ADARB2: variants seen among roughly 807,000 people sequenced by gnomAD.
The protein encoded by ADARB2 is inactive double-stranded RNA-specific editase B2.
A neutral mutation model predicts 62.2 loss-of-function variants in ADARB2; 25 were observed. The ratio of observed to expected loss-of-function variants is 0.40; its 90% confidence interval spans 0.29 to 0.56. The LOEUF (loss-of-function observed/expected upper bound fraction) is 0.56. Among genes scored for constraint, ADARB2 ranks in the 20% least tolerant of loss-of-function variants. The pLI is 0.43. For synonymous variants in ADARB2, 572 were observed against 500.8 expected (o/e 1.14, Z -1.90); for missense variants, 1,071 against 1,077.4 (o/e 0.99, Z 0.08).
At chr10:1,495,154 G>A (rs1451161042) in intron 1 of ADARB2, among the ~76,000 whole-genome samples, 1 of 152,114 alleles carries the variant, frequency 6.6e-6, no homozygotes, top group Non-Finnish European at 1.5e-5. Context: ...ATAATTAGTA[G>A]AAATTGGTGA....
intron 1 of ADARB2, among the ~76,000 whole-genome samples, chr10:1,655,855 C>T (rs1181856361): frequency 6.6e-6 from 1 of 152,098 alleles, no homozygotes; most frequent in African/African-American, 2.4e-5. Context: ...CAAACCACCT[C>T]TTGGAAGGAG....
At chr10:1,210,321 A>T (rs1837132654) in intron 7 of ADARB2, among the ~76,000 whole-genome samples, 1 of 152,254 alleles carries the variant, frequency 6.6e-6, no homozygotes, top group African/African-American at 2.4e-5. Context: ...AGCCAGCCAG[A>T]CATTAATCTC....
At position 1,514,284 on chromosome 10, in the gene ADARB2, G is replaced by A. The variant is rs116433325; in HGVS notation, c.101-135124C>T. ...CAGAGGACTCCTGAATGTTCAGAAG[G>A]ACGGCTCTGACGCTTTGGGACAGTA... is the stretch of plus-strand genomic sequence containing the variant. On this transcript the variant is annotated intron_variant, in intron 1 of 9. Transcript: ENST00000381312. Among the ~76,000 whole-genome samples, 497 of 150,276 alleles carry A rather than the reference G, an allele frequency of 3.3e-3. 4 individuals are homozygous for A. Among genetic ancestry groups the A allele is most frequent in the African/African-American group, 0.012 (475 of 41,042 alleles).
At chr10:1,639,279 C>T (rs866279521) in intron 1 of ADARB2, among the ~76,000 whole-genome samples, 1 of 152,232 alleles carries the variant, frequency 6.6e-6, no homozygotes, top group African/African-American at 2.4e-5. Flanking sequence ...AGGCTGACTG[C>T]ATGGTTCTTC....
intron 1 of ADARB2, among the ~76,000 whole-genome samples, chr10:1,688,658 C>A (rs890365419): frequency 1.4e-4 from 22 of 152,132 alleles, no homozygotes; most frequent in Non-Finnish European, 2.6e-4. Context: ...CCAACCCCCT[C>A]CTGCAAAAAA....
chr10:1,299,243 C>T (rs2387646), intron 3 of ADARB2, among the ~76,000 whole-genome samples: 66,546 of 151,418 alleles, frequency 0.44, 16,224 homozygotes, highest in East Asian at 0.69. Flanking sequence ...AAGCAGAGCC[C>T]GGAAGGCATC....
chr10:1,681,681 G>C (rs1834538252), intron 1 of ADARB2, among the ~76,000 whole-genome samples: 1 of 152,170 alleles, frequency 6.6e-6, no homozygotes, highest in Non-Finnish European at 1.5e-5. Flanking sequence ...AGTGAGCAGA[G>C]CTCTCAGAGA....
At chr10:1,509,822 C>G (rs1181998281) in intron 1 of ADARB2, among the ~76,000 whole-genome samples, 1 of 152,154 alleles carries the variant, frequency 6.6e-6, no homozygotes, top group Non-Finnish European at 1.5e-5. Context: ...GGCTAGGGAT[C>G]TTATCTTAAA....
chr10:1,414,203 G>A (rs1017518303), intron 1 of ADARB2, among the ~76,000 whole-genome samples: 4 of 152,218 alleles, frequency 2.6e-5, no homozygotes, highest in Non-Finnish European at 5.9e-5. Context: ...AATACAGTAA[G>A]CACTTAGCTG....
chr10:1,382,074 A>G (rs998790259), intron 1 of ADARB2, among the ~76,000 whole-genome samples: 26 of 152,220 alleles, frequency 1.7e-4, no homozygotes, highest in African/African-American at 5.8e-4. Flanking sequence ...CCCAATGTAT[A>G]TATCAATTCA....
chr10:1,499,387 T>C (rs1831735045), intron 1 of ADARB2, among the ~76,000 whole-genome samples: 1 of 152,030 alleles, frequency 6.6e-6, no homozygotes, highest in African/African-American at 2.4e-5. Context: ...TACTTACCCA[T>C]GTATCAGTCA....
intron 1 of ADARB2, among the ~76,000 whole-genome samples, chr10:1,659,737 G>T (rs928061825): frequency 6.6e-5 from 10 of 152,216 alleles, no homozygotes; most frequent in Non-Finnish European, 1.2e-4. Context: ...TAGTTCCTCC[G>T]CCTGCCTTCC....
chr10:1,714,818 G>A (rs1283585707), intron 1 of ADARB2, among the ~76,000 whole-genome samples: 1 of 152,202 alleles, frequency 6.6e-6, no homozygotes, highest in Non-Finnish European at 1.5e-5. Flanking sequence ...CTACTCAAAA[G>A]CCAGATGCTT....
intron 4 of ADARB2, among the ~76,000 whole-genome samples, chr10:1,262,200 A>G (rs1183657464): frequency 6.8e-6 from 1 of 146,064 alleles, no homozygotes; most frequent in Admixed American, 6.8e-5. Flanking sequence ...CTAGATGACG[A>G]GTTAGTGGGT....
intron 2 of ADARB2, 152 bp downstream of exon 2, chr10:1,378,922 T>C: frequency 1.6e-6 from 1 of 642,770 alleles, no homozygotes; most frequent in South Asian, 1.9e-5. Context: ...GGGGATTCTG[T>C]GGAGGAATGA....
intron 2 of ADARB2, among the ~76,000 whole-genome samples, chr10:1,365,416 A>G (rs1351007308): frequency 6.6e-6 from 1 of 152,132 alleles, no homozygotes; most frequent in Non-Finnish European, 1.5e-5. Flanking sequence ...AAATTAGGCC[A>G]CTGAATAACC....
At chr10:1,707,060 T>G (rs1322679192) in intron 1 of ADARB2, among the ~76,000 whole-genome samples, 4 of 152,238 alleles carry the variant, frequency 2.6e-5, no homozygotes, top group African/African-American at 9.6e-5. Context: ...AGTTTAGGAT[T>G]TTTATTTCAT....
intron 1 of ADARB2, among the ~76,000 whole-genome samples, chr10:1,597,677 T>C (rs1833352743): frequency 6.6e-6 from 1 of 152,208 alleles, no homozygotes; most frequent in Non-Finnish European, 1.5e-5. Flanking sequence ...TTGGTGAGAA[T>C]GTAAATTAGT....
intron 1 of ADARB2, among the ~76,000 whole-genome samples, chr10:1,580,687 G>T (rs1833086142): frequency 6.6e-6 from 1 of 152,076 alleles, no homozygotes; most frequent in Non-Finnish European, 1.5e-5. Flanking sequence ...GGTGGAGAGT[G>T]TCTTGGATCC....
Sources: allele counts gnomAD v4.1 joint callset (sites outside exome capture counted in the v4.1 genomes callset), GRCh38; gene constraint gnomAD v4.1.1; transcripts MANE v1.5; gene names NCBI Gene and HGNC (gene_info 2026-07-23, HGNC 2026-07-21).